Variants in MYO1E observed in about 807,000 individuals in gnomAD.
MYO1E encodes the protein unconventional myosin-Ie.
MYO1E carries 68 observed loss-of-function variants against 151.1 expected under a neutral mutation model. That is an observed-to-expected ratio of 0.45 (90% CI 0.37 to 0.55). The LOEUF (loss-of-function observed/expected upper bound fraction) is 0.55, where lower values mean the gene tolerates loss of function less well. Among genes scored for constraint, MYO1E ranks in the 20% least tolerant of loss-of-function variants. MYO1E has a pLI of 0.00. For missense variants in MYO1E, 1,363 were observed against 1,389.3 expected (o/e 0.98, Z 0.30); for synonymous variants, 601 against 501.7 (o/e 1.20, Z -2.64).
At chr15:59,191,845 T>C (rs1009191177) in intron 17 of MYO1E, among the ~76,000 whole-genome samples, 10 of 152,204 alleles carry the variant, frequency 6.6e-5, no homozygotes, top group African/African-American at 2.4e-4. Context: ...CAACTCCATC[T>C]TGCAGAGGGA....
At chr15:59,158,458 A>C (rs2079520530) in intron 24 of MYO1E, 79 bp from the exon 25 acceptor site, 1 of 1,134,386 alleles carries the variant, frequency 8.8e-7, no homozygotes, top group African/African-American at 1.5e-5. Flanking sequence ...CATATGGAAA[A>C]TTTTTGAGAA....
chr15:59,155,611 TCC>T (rs1339350119), intron 25 of MYO1E, among the ~76,000 whole-genome samples: 7 of 152,300 alleles, frequency 4.6e-5, no homozygotes, highest in Non-Finnish European at 8.8e-5. Flanking sequence ...CAGTGAGCTT[TCC>T]AGGTGGACTT....
chr15:59,308,600 A>G (rs1274385716), intron 1 of MYO1E, among the ~76,000 whole-genome samples: 2 of 150,398 alleles, frequency 1.3e-5, no homozygotes, highest in Non-Finnish European at 3.0e-5. Context: ...TGAACCCGGG[A>G]GGTGGAGGTT....
rs1463387450 is a variant in MYO1E at position 59,137,427 on chromosome 15, G to A, written c.3280C>T (p.Arg1094Ter). The change falls in exon 28 of 28, where the codon CGA becomes TGA. Residue 1094 changes from arginine (R) to a stop codon, truncating the protein, a stop_gained. Coordinates refer to ENST00000288235, the MANE Select transcript of MYO1E (RefSeq NM_004998.4). LOFTEE classifies it high-confidence loss of function. ...DPSGWWTGRL[R>*]GKQGLFPNNY... The stretch of plus-strand genomic sequence containing the variant: ...TTGGGGAACAGGCCCTGCTTGCCTC[G>A]TAGTCGACCCGTCCACCAGCCAGAA... 3 of 1,614,142 alleles carry A rather than the reference G, an allele frequency of 1.9e-6. No homozygotes were observed. Among genetic ancestry groups the A allele is most frequent in the Non-Finnish European group, 2.5e-6 (3 of 1,180,006 alleles).
At chr15:59,144,175 T>A (rs1566963214) in intron 26 of MYO1E, among the ~76,000 whole-genome samples, 1 of 152,122 alleles carries the variant, frequency 6.6e-6, no homozygotes, top group South Asian at 2.1e-4. Flanking sequence ...TAATTTATTT[T>A]TATTTTTTTG....
intron 4 of MYO1E, among the ~76,000 whole-genome samples, chr15:59,247,864 A>AT (rs1212149071): frequency 6.6e-6 from 1 of 152,184 alleles, no homozygotes; most frequent in Non-Finnish European, 1.5e-5. Context: ...GCTCACGCCT[A>AT]TAATCAGAGC....
chr15:59,275,107 G>A (rs2080310399), intron 1 of MYO1E, among the ~76,000 whole-genome samples: 1 of 152,170 alleles, frequency 6.6e-6, no homozygotes, highest in Admixed American at 6.5e-5. Flanking sequence ...CAAAAGCCAA[G>A]ATGTGAACCG....
rs187363464 is a variant in MYO1E at position 59,151,271 on chromosome 15, A to C, written c.3080+2319T>G. On this transcript the variant is annotated intron_variant, in intron 26 of 27. Coordinates refer to ENST00000288235, the MANE Select transcript of MYO1E (RefSeq NM_004998.4). ...TGAAACCCCATCTCTACAAAAAAAA[A>C]CCAAAAAAATTAGCTGGGTGTGGTG... Among the ~76,000 whole-genome samples the C allele has an allele frequency of 1.9e-4, 29 of 151,850 alleles. No homozygotes were observed. In the East Asian group the frequency reaches 2.1e-3, roughly 11 times the overall value.
chr15:59,243,303 C>G (rs1040923209), intron 4 of MYO1E, among the ~76,000 whole-genome samples: 2 of 152,004 alleles, frequency 1.3e-5, no homozygotes, highest in East Asian at 3.9e-4. Context: ...CCAAAGGAGG[C>G]TTGAAAGGAA....
At chr15:59,183,388 C>A (rs2079676431) in intron 18 of MYO1E, among the ~76,000 whole-genome samples, 1 of 150,424 alleles carries the variant, frequency 6.6e-6, no homozygotes, top group African/African-American at 2.4e-5. Context: ...CACAGTCTTG[C>A]TCTGTCACCC....
intron 3 of MYO1E, among the ~76,000 whole-genome samples, chr15:59,257,893 GT>G (rs1172643421): frequency 1.3e-5 from 2 of 152,160 alleles, no homozygotes; most frequent in Non-Finnish European, 1.5e-5. Flanking sequence ...CAATAAGATT[GT>G]GCAGGATTAT....
Position 59,208,856 on chromosome 15 carries a change from G to C in MYO1E, c.1363-8C>G. On this transcript the variant is annotated splice_polypyrimidine_tract_variant and splice_region_variant and intron_variant, in intron 13 of 27. Coordinates refer to ENST00000288235, the MANE Select transcript of MYO1E (RefSeq NM_004998.4). ...CATGATGCCAGGAGGGTTCTGATGG[G>C]AGCAAGAAGGCAAGGCCCTAGTCAC... 6.2e-7 allele frequency: 1 copy of C among 1,614,052 alleles called. No homozygotes were observed. Among genetic ancestry groups the C allele is most frequent in the South Asian group, 1.1e-5 (1 of 91,080 alleles).
Position 59,231,731 on chromosome 15 carries a change from T to C in MYO1E, c.481A>G (p.Thr161Ala). The change falls in exon 6 of 28, where the codon ACC (threonine) becomes GCC (alanine). Residue 161 changes from threonine to alanine, a missense_variant. Coordinates refer to ENST00000288235, the MANE Select transcript of MYO1E (RefSeq NM_004998.4). ...PLLEAFGNAK[T>A]VRNNNSSRFG... ...CGGCTGGAGTTGTTGTTCCGGACGG[T>C]CTTGGCGTTCCCGAAGGCCTCCAGC... The C allele has an allele frequency of 6.2e-7, 1 of 1,614,122 alleles. No individual in the cohort carries two copies. Among genetic ancestry groups the C allele is most frequent in the Non-Finnish European group, 8.5e-7 (1 of 1,180,010 alleles).
rs541209618 is a variant in MYO1E at position 59,159,466 on chromosome 15, G to A, written c.2786-1087C>T. Reference sequence around the variant, plus strand: ...ATAGGCCAGGCCAACAGGAGGCACTGGAAGGAGACTGGAGTGTCAGGAGGG... The same window carrying A: ...ATAGGCCAGGCCAACAGGAGGCACTAGAAGGAGACTGGAGTGTCAGGAGGG... On this transcript the variant is annotated intron_variant, in intron 24 of 27. Coordinates refer to ENST00000288235, the MANE Select transcript of MYO1E (RefSeq NM_004998.4). This position sits in a 1 kb window ranked among gnomAD's most constrained non-coding sequence, Gnocchi z 4.4. Among the ~76,000 whole-genome samples, 1 of 152,368 alleles carries A rather than the reference G, an allele frequency of 6.6e-6. No homozygotes were observed. The highest frequency in any genetic ancestry group is 1.9e-4 in the East Asian group (1 of 5,182).
intron 11 of MYO1E, 132 bp from the exon 12 acceptor site, chr15:59,214,446 T>A (rs1444192302): frequency 1.0e-5 from 9 of 895,872 alleles, no homozygotes; most frequent in Non-Finnish European, 1.3e-5. Flanking sequence ...AAGAAATAAG[T>A]TTATATTTAG....
chr15:59,207,563 T>A, intron 14 of MYO1E: 1 of 1,614,130 alleles, frequency 6.2e-7, no homozygotes, highest in Non-Finnish European at 8.5e-7. Flanking sequence ...AACCGTATTA[T>A]TGGAAGCGGC....
chr15:59,162,158 C>T (rs2079541341), intron 23 of MYO1E, among the ~76,000 whole-genome samples: 1 of 152,170 alleles, frequency 6.6e-6, no homozygotes, highest in Non-Finnish European at 1.5e-5. Context: ...ACCTCAGCCT[C>T]CCGAGTAGCT....
At chr15:59,206,425 G>A (rs1180048248) in intron 14 of MYO1E, among the ~76,000 whole-genome samples, 4 of 152,176 alleles carry the variant, frequency 2.6e-5, no homozygotes, top group African/African-American at 9.7e-5. Flanking sequence ...CAAGGCAGTG[G>A]AATCCTTTCA....
chr15:59,224,766 A>C lies in MYO1E; in HGVS notation c.700T>G (p.Tyr234Asp). The change falls in exon 8 of 28, where the codon TAT becomes GAT. Residue 234 changes from tyrosine (Y) to aspartate (D), a missense_variant. By Grantham distance (160) the Tyr-to-Asp change is radical (BLOSUM62 -3). Transcript: ENST00000288235. ...CCCGAGAGGCTCAGGTAGTAATAAT[A>C]GTCCATGCTGGTGATGCCAAGGCTG... ...KHSLGITSMD[Y>D]YYYLSLSGSY... 1 of 1,614,186 alleles carries C rather than the reference A, an allele frequency of 6.2e-7. No homozygotes were observed. The highest frequency in any genetic ancestry group is 8.5e-7 in the Non-Finnish European group (1 of 1,180,028).
Sources: allele counts gnomAD v4.1 joint callset (sites outside exome capture counted in the v4.1 genomes callset), GRCh38; gene constraint gnomAD v4.1.1; non-coding constraint Gnocchi (gnomAD v3.1); transcripts MANE v1.5; gene names NCBI Gene and HGNC (gene_info 2026-07-23, HGNC 2026-07-21).